PRKG1: variants seen among roughly 807,000 people sequenced by gnomAD.
PRKG1 encodes the protein cGMP-dependent protein kinase 1.
A neutral mutation model predicts 88.1 loss-of-function variants in PRKG1; 35 were observed. The ratio of observed to expected loss-of-function variants is 0.40; its 90% confidence interval spans 0.30 to 0.53. PRKG1 has a LOEUF of 0.53. PRKG1 is among the 20% of genes least tolerant of loss of function. The pLI is 0.59. For synonymous variants in PRKG1, 303 were observed against 292.5 expected (o/e 1.04, Z -0.37); for missense variants, 540 against 839.8 (o/e 0.64, Z 4.41).
intron 4 of PRKG1, among the ~76,000 whole-genome samples, chr10:51,820,654 G>A (rs1190473856): frequency 6.6e-6 from 1 of 152,186 alleles, no homozygotes; most frequent in Non-Finnish European, 1.5e-5. Flanking sequence ...AGTGGAAAAT[G>A]GCAATGTCTG....
intron 3 of PRKG1, among the ~76,000 whole-genome samples, chr10:51,756,542 A>C (rs1837868118): frequency 6.6e-6 from 1 of 150,538 alleles, no homozygotes; most frequent in Non-Finnish European, 1.5e-5. Flanking sequence ...TAGGCTGGGC[A>C]CGGTGGCTCA....
chr10:52,201,459 G>A (rs966847486), intron 9 of PRKG1, among the ~76,000 whole-genome samples: 1 of 152,054 alleles, frequency 6.6e-6, no homozygotes, highest in Non-Finnish European at 1.5e-5. Context: ...ACTGGATCCT[G>A]TAGTATAGTT....
At chr10:51,218,788 T>A (rs1838446212) in intron 2 of PRKG1, among the ~76,000 whole-genome samples, 1 of 151,596 alleles carries the variant, frequency 6.6e-6, no homozygotes, top group Non-Finnish European at 1.5e-5. Flanking sequence ...TTGATAACGG[T>A]TAGCCCAATG....
At chr10:51,511,691 G>A (rs750197699) in intron 3 of PRKG1, among the ~76,000 whole-genome samples, 13 of 152,124 alleles carry the variant, frequency 8.5e-5, no homozygotes, top group Non-Finnish European at 1.6e-4. Flanking sequence ...ACCAACTGCT[G>A]GTGAGCCACT....
At chr10:51,869,479 G>A (rs913252688) in intron 4 of PRKG1, among the ~76,000 whole-genome samples, 7 of 151,962 alleles carry the variant, frequency 4.6e-5, no homozygotes, top group African/African-American at 1.7e-4. Context: ...AAGGGAAAAT[G>A]GAAAGTACCA....
intron 1 of PRKG1, among the ~76,000 whole-genome samples, chr10:51,065,135 G>A (rs574403710): frequency 6.6e-6 from 1 of 152,176 alleles, no homozygotes; most frequent in African/African-American, 2.4e-5. Context: ...TCTACAAGAT[G>A]TATGTATTAA....
chr10:51,838,943 G>T (rs1292297411), intron 4 of PRKG1, among the ~76,000 whole-genome samples: 1 of 149,718 alleles, frequency 6.7e-6, no homozygotes, highest in African/African-American at 2.6e-5. Context: ...GCTGTATAAT[G>T]GCTGTATAAT....
At chr10:51,242,068 A>G (rs1839169547) in intron 2 of PRKG1, among the ~76,000 whole-genome samples, 1 of 152,138 alleles carries the variant, frequency 6.6e-6, no homozygotes, top group Non-Finnish European at 1.5e-5. Context: ...CTGAAATTCA[A>G]ATAGAATAAT....
chr10:51,305,590 G>T (rs1841015968), intron 2 of PRKG1, among the ~76,000 whole-genome samples: 3 of 152,106 alleles, frequency 2.0e-5, no homozygotes, highest in Admixed American at 1.3e-4. Flanking sequence ...TTGGCCTTTA[G>T]GGCAGCATGA....
intron 3 of PRKG1, among the ~76,000 whole-genome samples, chr10:51,665,865 T>G (rs933910956): frequency 6.6e-6 from 1 of 151,774 alleles, no homozygotes; most frequent in South Asian, 2.1e-4. Flanking sequence ...AGAAAAAAAA[T>G]TATAGGTTGA....
At position 51,646,228 on chromosome 10, in the gene PRKG1, G is replaced by A. The variant is rs544904715; in HGVS notation, c.593-158357G>A. On this transcript the variant is annotated intron_variant, in intron 3 of 17. Coordinates refer to ENST00000373980, the MANE Select transcript of PRKG1 (RefSeq NM_006258.4). Reference sequence around the variant, plus strand: ...ATCTTGACGCTATTAGTACAACCTTGAGCAAGCTACCTAATTATTTTAGAT... The same window carrying A: ...ATCTTGACGCTATTAGTACAACCTTAAGCAAGCTACCTAATTATTTTAGAT... Among the ~76,000 whole-genome samples the A allele has an allele frequency of 7.0e-4, 106 of 152,234 alleles. 2 individuals carry two copies. The South Asian group carries it at 0.021, about 30-fold the overall frequency.
chr10:52,134,704 C>T (rs1281036483), intron 8 of PRKG1, among the ~76,000 whole-genome samples: 2 of 152,084 alleles, frequency 1.3e-5, no homozygotes, highest in African/African-American at 4.8e-5. Flanking sequence ...CTGGAATAGG[C>T]AGTGAGTAAC....
At chr10:51,188,889 G>A (rs1184319550) in intron 2 of PRKG1, among the ~76,000 whole-genome samples, 2 of 151,936 alleles carry the variant, frequency 1.3e-5, no homozygotes, top group Non-Finnish European at 2.9e-5. Flanking sequence ...AGAGCAAAAA[G>A]AAAATGCAAT....
At chr10:51,589,581 C>T (rs770015376) in intron 3 of PRKG1, among the ~76,000 whole-genome samples, 3 of 152,122 alleles carry the variant, frequency 2.0e-5, no homozygotes, top group Non-Finnish European at 4.4e-5. Flanking sequence ...CCAGATCGTG[C>T]CACTGCACTC....
intron 9 of PRKG1, among the ~76,000 whole-genome samples, chr10:52,212,138 C>G (rs963275979): frequency 6.6e-6 from 1 of 151,998 alleles, no homozygotes; most frequent in Non-Finnish European, 1.5e-5. Context: ...GCCACATGGT[C>G]GGATAACATT....
At chr10:51,458,203 T>C (rs1416923488) in intron 2 of PRKG1, among the ~76,000 whole-genome samples, 1 of 152,162 alleles carries the variant, frequency 6.6e-6, no homozygotes, top group Non-Finnish European at 1.5e-5. Context: ...ATTCTCATGG[T>C]AGGAAATGTA....
chr10:52,107,446 G>A (rs1173124268), intron 7 of PRKG1, among the ~76,000 whole-genome samples: 1 of 152,084 alleles, frequency 6.6e-6, no homozygotes, highest in East Asian at 1.9e-4. Context: ...GAGCATCTAA[G>A]GAATGACATT....
chr10:51,484,421 G>A (rs1840467001), intron 3 of PRKG1, among the ~76,000 whole-genome samples: 1 of 151,748 alleles, frequency 6.6e-6, no homozygotes, highest in African/African-American at 2.4e-5. Flanking sequence ...TGCATTTTGG[G>A]ACCGGGTCAT....
At chr10:51,829,781 C>A (rs916542672) in intron 4 of PRKG1, among the ~76,000 whole-genome samples, 19 of 152,144 alleles carry the variant, frequency 1.2e-4, no homozygotes, top group African/African-American at 3.1e-4. Context: ...GCTCTTCCAA[C>A]TTTTTAGTCT....
Sources: allele counts gnomAD v4.1 joint callset (sites outside exome capture counted in the v4.1 genomes callset), GRCh38; gene constraint gnomAD v4.1.1; transcripts MANE v1.5; gene names NCBI Gene and HGNC (gene_info 2026-07-23, HGNC 2026-07-21).